NRG3: variants seen among roughly 807,000 people sequenced by gnomAD.
NRG3 encodes the protein neuregulin 3.
A neutral mutation model predicts 66.9 loss-of-function variants in NRG3; 31 were observed. The ratio of observed to expected loss-of-function variants is 0.46; its 90% CI spans 0.35 to 0.63. The LOEUF (loss-of-function observed/expected upper bound fraction) is 0.63, where lower values mean the gene tolerates loss of function less well. NRG3 is among the 20% of genes least tolerant of loss of function. The probability of loss-of-function intolerance (pLI) is 0.00; values close to 1 mark genes in which losing one functional copy is unlikely to be tolerated. For missense variants in NRG3, 910 were observed against 878.9 expected, an observed-to-expected ratio of 1.04 and a Z score of -0.45; for synonymous variants, 393 against 359.4, an observed-to-expected ratio of 1.09 and a Z score of -1.06.
intron 2 of NRG3, among the ~76,000 whole-genome samples, chr10:82,381,966 A>G (rs2085648613): frequency 6.6e-6 from 1 of 152,120 alleles, no homozygotes; most frequent in Non-Finnish European, 1.5e-5. Flanking sequence ...TTGCTCTTTT[A>G]TGCCATTTCA....
chr10:81,882,122 G>T (rs565884522), intron 1 of NRG3, among the ~76,000 whole-genome samples: 4 of 152,230 alleles, frequency 2.6e-5, no homozygotes, highest in African/African-American at 7.2e-5. Flanking sequence ...AACAACTGAC[G>T]TAAACAAATC....
chr10:82,635,600 A>G (rs1173300997), intron 2 of NRG3, among the ~76,000 whole-genome samples: 2 of 152,046 alleles, frequency 1.3e-5, no homozygotes, highest in Non-Finnish European at 2.9e-5. Flanking sequence ...TACTGTCATT[A>G]TTATTATTAT....
intron 4 of NRG3, among the ~76,000 whole-genome samples, chr10:82,883,575 G>A (rs1842476087): frequency 6.6e-6 from 1 of 152,096 alleles, no homozygotes; most frequent in Non-Finnish European, 1.5e-5. Context: ...AATTTCCCTA[G>A]TCAACTTATA....
At chr10:82,630,998 A>G (rs552152411) in intron 2 of NRG3, among the ~76,000 whole-genome samples, 1 of 152,184 alleles carries the variant, frequency 6.6e-6, no homozygotes, top group African/African-American at 2.4e-5. Context: ...CAATGTTGCA[A>G]TAAGTTTTCC....
At chr10:81,918,835 C>A (rs116559522) in intron 1 of NRG3, among the ~76,000 whole-genome samples, 1 of 23,080 alleles carries the variant, frequency 4.3e-5, no homozygotes, top group African/African-American at 1.5e-4. Flanking sequence ...CAAAAACAAA[C>A]ACAAAACTGG....
At chr10:82,922,078 T>C (rs1846475572) in intron 4 of NRG3, among the ~76,000 whole-genome samples, 1 of 152,070 alleles carries the variant, frequency 6.6e-6, no homozygotes, top group Non-Finnish European at 1.5e-5. Flanking sequence ...CTTTTATACA[T>C]TGTCTTCTCC....
At chr10:82,265,678 C>T (rs538246188) in intron 1 of NRG3, among the ~76,000 whole-genome samples, 3 of 152,268 alleles carry the variant, frequency 2.0e-5, no homozygotes, top group South Asian at 2.1e-4. Context: ...GGACCATCTA[C>T]ATGCTTACTG....
chr10:82,262,540 G>A (rs758605782), intron 1 of NRG3, among the ~76,000 whole-genome samples: 4 of 152,160 alleles, frequency 2.6e-5, no homozygotes, highest in Non-Finnish European at 4.4e-5. Flanking sequence ...AAATTTAGTT[G>A]CTACCAATGT....
At chr10:82,843,168 A>C (rs2063145550) in intron 3 of NRG3, 1 of 416,222 alleles carries the variant, frequency 2.4e-6, no homozygotes, top group Admixed American at 2.5e-5. Flanking sequence ...AGTAATTGCT[A>C]TGATTTGAAT....
intron 2 of NRG3, among the ~76,000 whole-genome samples, chr10:82,567,679 G>A (rs1565078363): frequency 6.6e-6 from 1 of 151,898 alleles, no homozygotes; most frequent in Non-Finnish European, 1.5e-5. Context: ...AAATGATCCT[G>A]TACTCCTTCT....
At chr10:82,117,256 C>G (rs1333911871) in intron 1 of NRG3, among the ~76,000 whole-genome samples, 1 of 152,108 alleles carries the variant, frequency 6.6e-6, no homozygotes, top group Non-Finnish European at 1.5e-5. Context: ...TTGTACCATA[C>G]CTTGAGTGTC....
chr10:82,733,291 T>C lies in NRG3; in HGVS notation c.954-5286T>C, dbSNP rs1392505208. Among the ~76,000 whole-genome samples, 5 of 152,328 alleles carry C rather than the reference T, an allele frequency of 3.3e-5. No individual in the cohort carries two copies. The East Asian group carries it at 9.6e-4, about 29-fold the overall frequency. On this transcript the variant is annotated intron_variant, in intron 2 of 8. Transcript: ENST00000372141. ...AATCCATTTTTGTAGATACAGAGTA[T>C]AAGATTCCTAGGCATAAAAATGACT...
intron 1 of NRG3, among the ~76,000 whole-genome samples, chr10:82,193,808 A>G (rs2074295825): frequency 6.6e-6 from 1 of 152,192 alleles, no homozygotes; most frequent in African/African-American, 2.4e-5. Context: ...CAGGTAAACT[A>G]TTGGATAAAT....
intron 2 of NRG3, among the ~76,000 whole-genome samples, chr10:82,722,754 G>A (rs547442635): frequency 5.3e-4 from 81 of 152,216 alleles, no homozygotes; most frequent in African/African-American, 1.9e-3. Context: ...ATTTTCTACT[G>A]ATAATGAGAA....
At chr10:82,367,000 G>T (rs550506033) in intron 2 of NRG3, among the ~76,000 whole-genome samples, 2 of 152,190 alleles carry the variant, frequency 1.3e-5, no homozygotes, top group African/African-American at 2.4e-5. Context: ...GATAAGCAAG[G>T]CGTGTTCGAC....
At chr10:82,727,972 G>T (rs1391871285) in intron 2 of NRG3, among the ~76,000 whole-genome samples, 2 of 152,090 alleles carry the variant, frequency 1.3e-5, no homozygotes, top group Non-Finnish European at 2.9e-5. Context: ...GCTGGATTTT[G>T]GACTTGCATG....
intron 2 of NRG3, among the ~76,000 whole-genome samples, chr10:82,576,028 A>G (rs946050535): frequency 5.3e-5 from 8 of 151,728 alleles, no homozygotes; most frequent in Admixed American, 5.3e-4. Flanking sequence ...ACATGAGATT[A>G]GAAGTTAAGT....
At chr10:82,104,007 G>A (rs2066915711) in intron 1 of NRG3, among the ~76,000 whole-genome samples, 2 of 150,426 alleles carry the variant, frequency 1.3e-5, no homozygotes, top group African/African-American at 4.9e-5. Context: ...CCTGCTGTAT[G>A]TGTTTTAATT....
chr10:82,971,800 C>T lies in NRG3; in HGVS notation c.1285-1988C>T, dbSNP rs556415120. Among the ~76,000 whole-genome samples the T allele has an allele frequency of 1.4e-4, 21 of 152,272 alleles. 1 individual carries two copies. Among genetic ancestry groups the T allele is most frequent in the African/African-American group, 5.1e-4 (21 of 41,550 alleles). ...GATAAAAATTTATGAATATTTATCACTTGGTAGATTGCTCATTCTATGAAT... is the reference window on the plus strand; with the variant it reads ...GATAAAAATTTATGAATATTTATCATTTGGTAGATTGCTCATTCTATGAAT... On this transcript the variant is annotated intron_variant, in intron 6 of 8. Transcript: ENST00000372141.
Sources: gnomAD v4.1 joint callset for allele counts (sites outside exome capture counted in the v4.1 genomes callset) on GRCh38, gnomAD v4.1.1 for gene constraint, MANE v1.5 for transcripts, NCBI Gene and HGNC (gene_info 2026-07-23, HGNC 2026-07-21) for gene names.